Variants in EBF2 observed in about 807,000 individuals in gnomAD.
EBF2 encodes the protein transcription factor COE2.
Under a neutral mutation model 72.8 loss-of-function variants are expected in EBF2, and 21 were observed. The observed-to-expected ratio is 0.29, with a 90% CI of 0.20 to 0.42. EBF2 has a LOEUF of 0.42. Among genes scored for constraint, EBF2 ranks in the 10% least tolerant of loss-of-function variants. EBF2 has a pLI of 1.00. For missense variants in EBF2, 637 were observed against 731.2 expected, an observed-to-expected ratio of 0.87 and a Z score of 1.49; for synonymous variants, 299 against 274.2, an observed-to-expected ratio of 1.09 and a Z score of -0.89.
At chr8:25,878,937 A>ATGTGCAC (rs375758680) in intron 10 of EBF2, among the ~76,000 whole-genome samples, 19 of 152,330 alleles carry the variant, frequency 1.2e-4, no homozygotes, top group African/African-American at 4.6e-4. Flanking sequence ...AAGTTTACTA[A>ATGTGCAC]TGTGCACTGT....
At chr8:25,855,399 A>G (rs1802067836) in intron 14 of EBF2, among the ~76,000 whole-genome samples, 1 of 152,158 alleles carries the variant, frequency 6.6e-6, no homozygotes, top group South Asian at 2.1e-4. Context: ...GTAAAATTGA[A>G]AAAACATCTG....
In EBF2 at chr8:26,033,121, C is replaced by T. The variant is rs754762615; in HGVS notation, c.515G>A (p.Arg172Gln). The T allele has an allele frequency of 3.7e-6, 6 of 1,614,152 alleles. No homozygotes were observed. The highest frequency in any genetic ancestry group is 4.2e-6 in the Non-Finnish European group (5 of 1,180,016). The part of the protein sequence containing the change: ...RCCEKKSCGN[R>Q]NETPSDPVII... The stretch of plus-strand genomic sequence containing the variant: ...GACTGGGTCCGATGGAGTCTCATTT[C>T]GGTTTCCACAGCTTTTCTTTTCGCA... Residue 172 changes from arginine to glutamine, a missense_variant, in exon 6 of 16, where the codon CGA (arginine) becomes CAA (glutamine). Coordinates refer to ENST00000520164, the MANE Select transcript of EBF2 (RefSeq NM_022659.4).
intron 7 of EBF2, among the ~76,000 whole-genome samples, chr8:25,899,342 A>C (rs1309004995): frequency 2.0e-5 from 3 of 151,900 alleles, no homozygotes; most frequent in African/African-American, 7.3e-5. Flanking sequence ...CTGATCAGAG[A>C]GGCCATAAGT....
Position 25,850,615 on chromosome 8 carries a change from C to A in EBF2, c.1675G>T (p.Gly559Cys). ...QGSPSPACSS[G>C]NGNGFRAMTG... is the part of the protein sequence containing the mutation. ...TTACCTCTGAATCCATTTCCATTGCCGCTGGAGCAGGCAGGTGAAGGGGAG... is the reference window on the plus strand; with the variant it reads ...TTACCTCTGAATCCATTTCCATTGCAGCTGGAGCAGGCAGGTGAAGGGGAG... The change falls in exon 15 of 16, where the codon GGC becomes TGC. Residue 559 changes from glycine to cysteine, a missense_variant. Gly to Cys is a radical substitution (Grantham distance 159). This residue lies in a region of EBF2 where 259 missense variants were observed against 268.1 expected (regional missense o/e 0.97). Transcript: ENST00000520164. 6.4e-7 allele frequency: 1 copy of A among 1,563,350 alleles called. No homozygotes were observed. Among genetic ancestry groups the A allele is most frequent in the East Asian group, 2.4e-5 (1 of 41,732 alleles).
At chr8:25,911,100 T>C (rs1170165457) in intron 6 of EBF2, among the ~76,000 whole-genome samples, 1 of 152,030 alleles carries the variant, frequency 6.6e-6, no homozygotes, top group Non-Finnish European at 1.5e-5. Context: ...TCACTAATCA[T>C]ACCATCCATT....
At chr8:25,854,959 T>G (rs1802057511) in intron 14 of EBF2, among the ~76,000 whole-genome samples, 1 of 152,116 alleles carries the variant, frequency 6.6e-6, no homozygotes, top group Non-Finnish European at 1.5e-5. Context: ...CTATTCTGCT[T>G]TGGAAGAAGT....
chr8:25,896,343 C>T (rs1802863916), intron 7 of EBF2, among the ~76,000 whole-genome samples: 1 of 152,146 alleles, frequency 6.6e-6, no homozygotes, highest in Non-Finnish European at 1.5e-5. Flanking sequence ...AATGTGGGGC[C>T]TTTGGTAGTT....
intron 6 of EBF2, among the ~76,000 whole-genome samples, chr8:25,986,096 A>G (rs1232774673): frequency 6.7e-6 from 1 of 148,188 alleles, no homozygotes; most frequent in East Asian, 2.0e-4. Flanking sequence ...ATATGCATTT[A>G]TTTGTACAAC....
chr8:26,031,594 C>G (rs1805406835), intron 6 of EBF2: 1 of 151,990 alleles, frequency 6.6e-6, no homozygotes, highest in Non-Finnish European at 1.5e-5. Context: ...TGCCACCATG[C>G]CTGACTAATT....
At chr8:25,934,089 C>T (rs1803531817) in intron 6 of EBF2, among the ~76,000 whole-genome samples, 2 of 152,116 alleles carry the variant, frequency 1.3e-5, no homozygotes, top group Non-Finnish European at 2.9e-5. Context: ...GTGCTGGCTT[C>T]TTGACTTAAA....
chr8:25,948,689 G>C (rs1194454193), intron 6 of EBF2, among the ~76,000 whole-genome samples: 3 of 152,226 alleles, frequency 2.0e-5, no homozygotes, highest in Non-Finnish European at 1.5e-5. Context: ...AAAGGAAACA[G>C]TGGTTCCCTC....
chr8:26,025,494 C>T (rs1805289329), intron 6 of EBF2, among the ~76,000 whole-genome samples: 1 of 152,100 alleles, frequency 6.6e-6, no homozygotes. Flanking sequence ...AATCCTAAAA[C>T]TCCAGTGTCA....
At chr8:25,907,326 A>G (rs559162234) in intron 7 of EBF2, among the ~76,000 whole-genome samples, 4 of 143,362 alleles carry the variant, frequency 2.8e-5, no homozygotes, top group African/African-American at 1.0e-4. Context: ...AGGGTGAGGC[A>G]TGAGAATCCC....
At chr8:25,845,954 CCTCTCTTA>C (rs1240151072) in intron 15 of EBF2, among the ~76,000 whole-genome samples, 2 of 152,178 alleles carry the variant, frequency 1.3e-5, no homozygotes, top group African/African-American at 4.8e-5. Flanking sequence ...ATCTCTCTCT[CCTCTCTTA>C]CTCTCTCTGC....
intron 10 of EBF2, among the ~76,000 whole-genome samples, chr8:25,883,484 T>C (rs1439885679): frequency 6.6e-6 from 1 of 151,934 alleles, no homozygotes; most frequent in African/African-American, 2.4e-5. Context: ...GTACTGATAT[T>C]ATTGATTTTG....
At chr8:25,969,404 T>C (rs1449670597) in intron 6 of EBF2, among the ~76,000 whole-genome samples, 2 of 152,218 alleles carry the variant, frequency 1.3e-5, no homozygotes, top group African/African-American at 4.8e-5. Context: ...TCGAGACTCT[T>C]GTCTCCAGGT....
chr8:25,973,978 T>C (rs1481593023), intron 6 of EBF2, among the ~76,000 whole-genome samples: 1 of 152,204 alleles, frequency 6.6e-6, no homozygotes. Context: ...ACACCCAGCC[T>C]AAGCTTTTCA....
chr8:25,987,492 C>T (rs1202415472), intron 6 of EBF2, among the ~76,000 whole-genome samples: 1 of 152,142 alleles, frequency 6.6e-6, no homozygotes, highest in East Asian at 1.9e-4. Flanking sequence ...AAAACACAAC[C>T]ATCGTATCAC....
chr8:26,025,126 T>C (rs1224431350), intron 6 of EBF2, among the ~76,000 whole-genome samples: 2 of 152,112 alleles, frequency 1.3e-5, no homozygotes, highest in African/African-American at 2.4e-5. Context: ...GTGGTGGGTA[T>C]TCCAGGTGGA....
Sources: gnomAD v4.1 joint callset for allele counts (sites outside exome capture counted in the v4.1 genomes callset) on GRCh38, gnomAD v4.1.1 for gene constraint, gnomAD v4.1.1 regional missense constraint, MANE v1.5 for transcripts, NCBI Gene and HGNC (gene_info 2026-07-23, HGNC 2026-07-21) for gene names.